Variants in ITPR3 observed in about 807,000 individuals in gnomAD.
The protein encoded by ITPR3 is inositol 1,4,5-trisphosphate receptor type 3, also known as inositol 1,4,5-trisphosphate-gated calcium channel ITPR3.
Under a neutral mutation model 293.2 loss-of-function variants are expected in ITPR3, and 173 were observed. That is an observed-to-expected ratio of 0.59 (90% CI 0.52 to 0.67). ITPR3 has a LOEUF of 0.67. Among genes scored for constraint, ITPR3 ranks in the 30% least tolerant of loss-of-function variants. ITPR3 has a pLI of 0.00. For missense variants in ITPR3, 2,796 were observed against 3,592.1 expected (o/e 0.78, Z 5.66); for synonymous variants, 1,295 against 1,444.4 (o/e 0.90, Z 2.35).
Position 33,670,190 on chromosome 6 carries a change from C to A in ITPR3, c.2190-135C>A. On this transcript the variant is annotated intron_variant, in intron 18 of 57. Transcript: ENST00000605930. The surrounding 1 kb of genome is among the most constrained non-coding windows in gnomAD (Gnocchi z 6.7). ...ACAGGTTTTCCGTTCACCTTTCTAACTCAGAATTGCAGCTGGCGCATCTTT... is the reference window on the plus strand; with the variant it reads ...ACAGGTTTTCCGTTCACCTTTCTAAATCAGAATTGCAGCTGGCGCATCTTT... 2.2e-6 allele frequency: 2 copies of A among 913,950 alleles called. No individual in the cohort carries two copies. Among genetic ancestry groups the A allele is most frequent in the South Asian group, 1.6e-5 (1 of 62,290 alleles). 56.6% of individuals were successfully genotyped at this position (913,950 alleles called of 1,614,324 possible). A position where few individuals can be genotyped will look rare whatever the true frequency, so the allele number is the denominator to read the frequency against.
Position 33,683,930 on chromosome 6 carries a change from T to C in ITPR3, c.4789-90T>C, listed in dbSNP as rs543794073. ...CCTCAGACAGAGGCAGGGCAATCTG[T>C]GGGGCTGTTTGGCGTTTGGGTCGGA... On this transcript the variant is annotated intron_variant, in intron 35 of 57. Coordinates refer to ENST00000605930, the MANE Select transcript of ITPR3 (RefSeq NM_002224.4). The surrounding 1 kb of genome is among the most constrained non-coding windows in gnomAD (Gnocchi z 4.5). The C allele has an allele frequency of 1.1e-4, 157 of 1,430,044 alleles. No homozygotes were observed. The East Asian group carries it at 3.5e-3, about 32-fold the overall frequency. 88.6% of individuals were successfully genotyped at this position (1,430,044 alleles called of 1,614,324 possible).
Position 33,671,180 on chromosome 6 carries a change from C to A in ITPR3, c.2602C>A (p.His868Asn), listed in dbSNP as rs1764753483. ...KLTFEVVSLA[H>N]NLIYFGFYSF... ...CCCTTCGCAGGTGGTCAGCCTGGCG[C>A]ACAATCTCATCTACTTCGGCTTCTA... The change falls in exon 21 of 58, where the codon CAC (histidine) becomes AAC (asparagine). Residue 868 changes from histidine to asparagine, a missense_variant. By Grantham distance (68) the His-to-Asn change is moderately conservative. Around this residue, in one of 8 missense-constraint regions of ITPR3, gnomAD observed 955 missense variants for 1,180.8 expected, o/e 0.81. Transcript: ENST00000605930. 1 of 1,613,692 alleles carries A rather than the reference C, an allele frequency of 6.2e-7. No homozygotes were observed. Among genetic ancestry groups the A allele is most frequent in the Admixed American group, 1.7e-5 (1 of 60,010 alleles).
Position 33,662,605 on chromosome 6 carries a change from G to A in ITPR3, c.789G>A (p.Val263=). 6.2e-7 allele frequency: 1 copy of A among 1,612,298 alleles called. No individual in the cohort carries two copies. The highest frequency in any genetic ancestry group is 8.5e-7 in the Non-Finnish European group (1 of 1,179,940). ...ACGAGTACAAGGGCAAGCTGCAGGT[G>A]TTCCTGCGAACTACACTGCGCCAGT... is the stretch of plus-strand genomic sequence containing the variant. ...TCDEYKGKLQ[V]FLRTTLRQSA... is the part of the protein sequence containing the mutation. The change falls in exon 8 of 58, where the codon GTG becomes GTA. Residue 263 remains valine (V), a synonymous_variant. Transcript: ENST00000605930.
chr6:33,655,006 A>G lies in ITPR3; in HGVS notation c.161-760A>G, dbSNP rs1365652658. Among the ~76,000 whole-genome samples the G allele has an allele frequency of 1.3e-5, 2 of 152,226 alleles. No individual in the cohort carries two copies. Among genetic ancestry groups the G allele is most frequent in the African/African-American group, 4.8e-5 (2 of 41,450 alleles). On this transcript the variant is annotated intron_variant, in intron 2 of 57. Transcript: ENST00000605930. This position sits in a 1 kb window ranked among gnomAD's most constrained non-coding sequence, Gnocchi z 4.9. ...TGCAGCTTAGGCTTATGGGAATGAC[A>G]CTTGTTTTATCTACTTGCCAAAATA...
At position 33,663,726 on chromosome 6, in the gene ITPR3, G is replaced by T; in HGVS notation, c.1006-12G>T. ...GGGAGGGCCTTCTACCTGATTTGGG[G>T]TCCTCATCCAGGGGGCACAGGGCCG... On this transcript the variant is annotated splice_polypyrimidine_tract_variant and intron_variant, in intron 10 of 57. Coordinates refer to ENST00000605930, the MANE Select transcript of ITPR3 (RefSeq NM_002224.4). The T allele has an allele frequency of 6.2e-7, 1 of 1,613,372 alleles. No individual in the cohort carries two copies. The highest frequency in any genetic ancestry group is 2.2e-5 in the East Asian group (1 of 44,878).
chr6:33,686,435 T>C lies in ITPR3; in HGVS notation c.5895T>C (p.Asn1965=). The C allele has an allele frequency of 2.5e-6, 4 of 1,614,220 alleles. No individual in the cohort carries two copies. The highest frequency in any genetic ancestry group is 3.4e-6 in the Non-Finnish European group (4 of 1,180,004). The part of the protein sequence containing the change: ...NQTCIVTHES[N]GIDIITALIL... ...CTTGCATTGTGACTCACGAGTCCAA[T>C]GGCATAGACATCATCACCGCACTGA... The change falls in exon 43 of 58, where the codon AAT becomes AAC. Residue 1965 remains asparagine, a synonymous_variant. Coordinates refer to ENST00000605930, the MANE Select transcript of ITPR3 (RefSeq NM_002224.4).
Position 33,680,451 on chromosome 6 carries a change from C to T in ITPR3, c.4347C>T (p.Ala1449=), listed in dbSNP as rs2229638. The T allele has an allele frequency of 0.9, 1,449,335 of 1,613,004 alleles. 651,893 individuals carry two copies. The highest frequency in any genetic ancestry group is 0.99 in the East Asian group (44,656 of 44,882). ...TLFENFTLDM[A]RVCSKREKRV... The stretch of plus-strand genomic sequence containing the variant: ...TTGAGAACTTCACCCTGGACATGGC[C>T]CGGGTCTGTCCCTGTGAGGGGTGTG... Residue 1449 remains alanine, a synonymous_variant, in exon 32 of 58, where the codon GCC becomes GCT. Coordinates refer to ENST00000605930, the MANE Select transcript of ITPR3 (RefSeq NM_002224.4).
In ITPR3 at chr6:33,669,011, T is replaced by C; in HGVS notation, c.2044T>C (p.Tyr682His). 1.2e-6 allele frequency: 2 copies of C among 1,613,938 alleles called. No individual in the cohort carries two copies. The highest frequency in any genetic ancestry group is 1.7e-6 in the Non-Finnish European group (2 of 1,179,960). ...PVKEMAQSHE[Y>H]LSIEYSEEEV... is the part of the protein sequence containing the mutation. Reference sequence around the variant, plus strand: ...GAAGGAGATGGCCCAATCCCACGAGTACCTGAGCATCGAGTACTCAGAAGA... The same window carrying C: ...GAAGGAGATGGCCCAATCCCACGAGCACCTGAGCATCGAGTACTCAGAAGA... Residue 682 changes from tyrosine to histidine, a missense_variant, in exon 18 of 58, where the codon TAC becomes CAC. Coordinates refer to ENST00000605930, the MANE Select transcript of ITPR3 (RefSeq NM_002224.4).
chr6:33,675,773 T>A lies in ITPR3; in HGVS notation c.3199T>A (p.Tyr1067Asn), dbSNP rs1214191996. 3 of 1,612,660 alleles carry A rather than the reference T, an allele frequency of 1.9e-6. No homozygotes were observed. In the South Asian group the frequency reaches 3.3e-5, roughly 18 times the overall value. The change falls in exon 25 of 58, where the codon TAT becomes AAT. Residue 1067 changes from tyrosine to asparagine, a missense_variant. Physicochemically the swap from Tyr to Asn is moderately radical, Grantham distance 143 (BLOSUM62 -2). Around this residue, in one of 8 missense-constraint regions of ITPR3, gnomAD observed 955 missense variants for 1,180.8 expected, o/e 0.81. Coordinates refer to ENST00000605930, the MANE Select transcript of ITPR3 (RefSeq NM_002224.4). This position sits in a 1 kb window ranked among gnomAD's most constrained non-coding sequence, Gnocchi z 5.0. ...GCTCATCCACCTCACCATGCACGACTATGCGCCGCTGGTCTCGGGTGCCCT... is the reference window on the plus strand; with the variant it reads ...GCTCATCCACCTCACCATGCACGACAATGCGCCGCTGGTCTCGGGTGCCCT... ...RVLIHLTMHD[Y>N]APLVSGALQL...
intron 2 of ITPR3, among the ~76,000 whole-genome samples, chr6:33,644,698 C>G (rs1764027353): frequency 7.2e-6 from 1 of 138,642 alleles, no homozygotes; most frequent in Admixed American, 7.8e-5. Context: ...GAGTCTCGCT[C>G]TGTTGCCCAG....
Position 33,665,954 on chromosome 6 carries a change from G to A in ITPR3, c.1529G>A (p.Arg510Lys). Reference protein sequence around the residue: ...KPNRERQKLMREQNILKQVFG... With the variant: ...KPNRERQKLMKEQNILKQVFG... Reference sequence around the variant, plus strand: ...AACCGGGAACGGCAGAAGCTGATGAGGGAGCAGAACATCCTCAAACAGGTG... The same window carrying A: ...AACCGGGAACGGCAGAAGCTGATGAAGGAGCAGAACATCCTCAAACAGGTG... The change falls in exon 14 of 58, where the codon AGG (arginine) becomes AAG (lysine). Residue 510 changes from arginine (R) to lysine (K), a missense_variant. Arg to Lys is a conservative substitution (Grantham distance 26). Coordinates refer to ENST00000605930, the MANE Select transcript of ITPR3 (RefSeq NM_002224.4). 1 of 1,612,152 alleles carries A rather than the reference G, an allele frequency of 6.2e-7. No homozygotes were observed. Among genetic ancestry groups the A allele is most frequent in the East Asian group, 2.2e-5 (1 of 44,782 alleles).
intron 2 of ITPR3, among the ~76,000 whole-genome samples, chr6:33,648,876 G>A (rs1764127602): frequency 6.6e-6 from 1 of 150,834 alleles, no homozygotes; most frequent in Non-Finnish European, 1.5e-5. Flanking sequence ...TTACAGGTGT[G>A]AGCCACCACG....
chr6:33,641,682 C>T (rs1763955877), intron 2 of ITPR3, among the ~76,000 whole-genome samples: 1 of 152,138 alleles, frequency 6.6e-6, no homozygotes. Context: ...CCCCTTGCCC[C>T]CTCCCACTTC....
chr6:33,645,941 G>A (rs1425411704), intron 2 of ITPR3, among the ~76,000 whole-genome samples: 3 of 151,918 alleles, frequency 2.0e-5, no homozygotes, highest in Non-Finnish European at 4.4e-5. Flanking sequence ...GGATTCAAGC[G>A]ATTCTTCAGC....
Position 33,622,951 on chromosome 6 carries a change from C to T in ITPR3, c.89+1260C>T, listed in dbSNP as rs549487537. 2.4e-3 allele frequency among the ~76,000 whole-genome samples: 364 copies of T among 152,332 alleles called. 4 individuals carry two copies. The highest frequency in any genetic ancestry group is 3.9e-3 in the Admixed American group (59 of 15,308). On this transcript the variant is annotated intron_variant, in intron 1 of 57. Coordinates refer to ENST00000605930, the MANE Select transcript of ITPR3 (RefSeq NM_002224.4). ...AACCATCCAGGTCCCTCCTGGTGCCCTCCCCTTCACACGTGGAATCCCTGC... is the reference window on the plus strand; with the variant it reads ...AACCATCCAGGTCCCTCCTGGTGCCTTCCCCTTCACACGTGGAATCCCTGC...
Position 33,691,564 on chromosome 6 carries a change from G to T in ITPR3, c.7226-51G>T, listed in dbSNP as rs1336340182. On this transcript the variant is annotated intron_variant, in intron 52 of 57. Coordinates refer to ENST00000605930, the MANE Select transcript of ITPR3 (RefSeq NM_002224.4). The surrounding 1 kb of genome is among the most constrained non-coding windows in gnomAD (Gnocchi z 4.9). ...TGTGACACTGGGGACAGAGCCAGGGGATAAGGCCAGGCACTGGACCTCCTG... is the reference window on the plus strand; with the variant it reads ...TGTGACACTGGGGACAGAGCCAGGGTATAAGGCCAGGCACTGGACCTCCTG... The T allele has an allele frequency of 6.7e-7, 1 of 1,486,342 alleles. No individual in the cohort carries two copies. Among genetic ancestry groups the T allele is most frequent in the Non-Finnish European group, 9.4e-7 (1 of 1,068,544 alleles). 92.1% of individuals were successfully genotyped at this position (1,486,342 alleles called of 1,614,324 possible).
intron 1 of ITPR3, among the ~76,000 whole-genome samples, chr6:33,628,147 G>A (rs926783653): frequency 6.6e-6 from 1 of 152,208 alleles, no homozygotes; most frequent in Non-Finnish European, 1.5e-5. Context: ...TTTCAGCTTA[G>A]GGGGAGGTTT....
intron 1 of ITPR3, among the ~76,000 whole-genome samples, chr6:33,637,941 C>T (rs965055229): frequency 2.0e-5 from 3 of 151,518 alleles, no homozygotes; most frequent in African/African-American, 4.9e-5. Flanking sequence ...GAGCCACTGG[C>T]GCCTGGCCCC....
chr6:33,643,730 A>G (rs1278347182), intron 2 of ITPR3, among the ~76,000 whole-genome samples: 1 of 152,090 alleles, frequency 6.6e-6, no homozygotes, highest in Non-Finnish European at 1.5e-5. Context: ...TGCCCCCAAG[A>G]CATGTGTGTG....
Sources: gnomAD v4.1 joint callset for allele counts (sites outside exome capture counted in the v4.1 genomes callset) on GRCh38, gnomAD v4.1.1 for gene constraint, gnomAD v4.1.1 regional missense constraint, Gnocchi (gnomAD v3.1) non-coding constraint, MANE v1.5 for transcripts, NCBI Gene and HGNC (gene_info 2026-07-23, HGNC 2026-07-21) for gene names.